NRG2: variants seen among roughly 807,000 people sequenced by gnomAD.
NRG2 encodes pro-neuregulin-2, membrane-bound isoform.
NRG2 carries 27 observed loss-of-function variants against 73.9 expected under a neutral mutation model. That is an observed-to-expected ratio of 0.37 (90% CI 0.27 to 0.50). The LOEUF is 0.50. NRG2 is among the 20% of genes least tolerant of loss of function. The pLI is 0.96. For missense variants in NRG2, 1,126 were observed against 1,210.1 expected (o/e 0.93, Z 1.03); for synonymous variants, 532 against 541.0 (o/e 0.98, Z 0.23).
chr5:139,927,278 C>A (rs569771128), intron 1 of NRG2, among the ~76,000 whole-genome samples: 2 of 152,244 alleles, frequency 1.3e-5, no homozygotes, highest in South Asian at 4.2e-4. Context: ...CCTTTCCTCC[C>A]TCCCTTCCCT....
At position 140,008,208 on chromosome 5, in the gene NRG2, A is replaced by C. The variant is rs17286571; in HGVS notation, c.700+34162T>G. Among the ~76,000 whole-genome samples, 6,102 of 152,250 alleles carry C rather than the reference A, an allele frequency of 0.04. 174 individuals carry two copies. The highest frequency in any genetic ancestry group is 0.095 in the Middle Eastern group (28 of 294). On this transcript the variant is annotated intron_variant, in intron 1 of 9. Coordinates refer to ENST00000361474, the MANE Select transcript of NRG2 (RefSeq NM_004883.3). The surrounding 1 kb of genome is among the most constrained non-coding windows in gnomAD (Gnocchi z 4.2). ...CAGAAGATGCATGGGGAAATCAAAGATCTATTCCACAGCAGATGTGAAGCT... is the reference window on the plus strand; with the variant it reads ...CAGAAGATGCATGGGGAAATCAAAGCTCTATTCCACAGCAGATGTGAAGCT...
chr5:139,927,931 C>T (rs1226558512), intron 1 of NRG2, among the ~76,000 whole-genome samples: 1 of 152,060 alleles, frequency 6.6e-6, no homozygotes, highest in Non-Finnish European at 1.5e-5. Context: ...TATCTACCTC[C>T]CCTCTGGGAG....
chr5:139,966,381 C>T (rs756477169), intron 1 of NRG2, among the ~76,000 whole-genome samples: 8 of 152,180 alleles, frequency 5.3e-5, no homozygotes, highest in Non-Finnish European at 1.0e-4. Context: ...AACCACTGGC[C>T]CCTTCCCTTA....
In NRG2 at chr5:139,853,067, A is replaced by T; in HGVS notation, c.1293-40T>A. 6.2e-7 allele frequency: 1 copy of T among 1,609,914 alleles called. No homozygotes were observed. Among genetic ancestry groups the T allele is most frequent in the Non-Finnish European group, 8.5e-7 (1 of 1,178,518 alleles). ...GGAAGGTGAGGCTGGCATTCCCCCC[A>T]CTCGCCAACGATGAACTTCCCTAGC... On this transcript the variant is annotated intron_variant, in intron 6 of 9. Transcript: ENST00000361474. This position sits in a 1 kb window ranked among gnomAD's most constrained non-coding sequence, Gnocchi z 4.1.
At chr5:139,921,621 G>C (rs558995453) in intron 1 of NRG2, among the ~76,000 whole-genome samples, 11 of 151,896 alleles carry the variant, frequency 7.2e-5, no homozygotes, top group African/African-American at 1.9e-4. Flanking sequence ...ATGGATCACA[G>C]ACCTAAATAT....
intron 1 of NRG2, among the ~76,000 whole-genome samples, chr5:139,980,852 C>A (rs1756745292): frequency 6.6e-6 from 1 of 152,192 alleles, no homozygotes; most frequent in Non-Finnish European, 1.5e-5. Flanking sequence ...GGGGAATCTC[C>A]CTCCTACTTT....
chr5:139,989,781 T>TTTA (rs1757440162), intron 1 of NRG2, among the ~76,000 whole-genome samples: 1 of 149,888 alleles, frequency 6.7e-6, no homozygotes, highest in African/African-American at 2.4e-5. Flanking sequence ...TTATTATTTA[T>TTTA]TTTATTTTAT....
At chr5:139,991,571 T>C (rs1456458038) in intron 1 of NRG2, among the ~76,000 whole-genome samples, 3 of 152,180 alleles carry the variant, frequency 2.0e-5, no homozygotes, top group East Asian at 1.9e-4. Context: ...GATTTTTGTA[T>C]TTTTTAGTAG....
rs1298611863 is a variant in NRG2, at chr5:139,915,792, A to G, written c.701-28281T>C. Among the ~76,000 whole-genome samples, 2 of 152,258 alleles carry G rather than the reference A, an allele frequency of 1.3e-5. No homozygotes were observed. Among genetic ancestry groups the G allele is most frequent in the South Asian group, 2.1e-4 (1 of 4,832 alleles). On this transcript the variant is annotated intron_variant, in intron 1 of 9. Transcript: ENST00000361474. The surrounding 1 kb of genome is among the most constrained non-coding windows in gnomAD (Gnocchi z 4.0). The stretch of plus-strand genomic sequence containing the variant: ...ATCATGGTGACATTTGTATCGCAAA[A>G]GATGAGCTGAGAGTACAGGAGATGC...
In NRG2 at chr5:139,851,803, G is replaced by T; in HGVS notation, c.1573C>A (p.Arg525Ser). 1 of 1,614,222 alleles carries T rather than the reference G, an allele frequency of 6.2e-7. No individual in the cohort carries two copies. Among genetic ancestry groups the T allele is most frequent in the Non-Finnish European group, 8.5e-7 (1 of 1,180,028 alleles). ...GAGTCAGAAGTCAGGCTCTCAGAACGTTCCAGGCTCCACGTGTGGCTCTCG... is the reference window on the plus strand; with the variant it reads ...GAGTCAGAAGTCAGGCTCTCAGAACTTTCCAGGCTCCACGTGTGGCTCTCG... ...RHESHTWSLE[R>S]SESLTSDSQS... is the part of the protein sequence containing the mutation. The change falls in exon 9 of 10, where the codon CGT becomes AGT. Residue 525 changes from arginine to serine, a missense_variant. By Grantham distance (110) the Arg-to-Ser change is moderately radical (BLOSUM62 -1). This residue lies in a region of NRG2 where 539 missense variants were observed against 703.2 expected (regional missense o/e 0.77). Coordinates refer to ENST00000361474, the MANE Select transcript of NRG2 (RefSeq NM_004883.3). The surrounding 1 kb of genome is among the most constrained non-coding windows in gnomAD (Gnocchi z 4.2).
rs1762680147 is a variant in NRG2, at chr5:139,869,162, T to C, written c.1112+2559A>G. ...TCAGTATCAGTGACACTGTTTCTTT[T>C]GGCACTGAATTCCAGAAAAACAGGA... On this transcript the variant is annotated intron_variant, in intron 4 of 9. Transcript: ENST00000361474. The surrounding 1 kb of genome is among the most constrained non-coding windows in gnomAD (Gnocchi z 4.5). Among the ~76,000 whole-genome samples, 1 of 152,084 alleles carries C rather than the reference T, an allele frequency of 6.6e-6. No homozygotes were observed. The highest frequency in any genetic ancestry group is 2.4e-5 in the African/African-American group (1 of 41,388).
intron 1 of NRG2, among the ~76,000 whole-genome samples, chr5:139,909,307 G>A (rs753968048): frequency 2.0e-4 from 30 of 152,154 alleles, no homozygotes; most frequent in Admixed American, 5.2e-4. Context: ...TCAGTGAAAG[G>A]GGAAAAAACC....
At chr5:139,952,755 C>T (rs1049454727) in intron 1 of NRG2, among the ~76,000 whole-genome samples, 3 of 152,042 alleles carry the variant, frequency 2.0e-5, no homozygotes, top group East Asian at 3.9e-4. Context: ...TGGAGTGGGG[C>T]GGTGCGTGTG....
chr5:139,850,150 C>T (rs753629436), intron 9 of NRG2, among the ~76,000 whole-genome samples: 24 of 152,356 alleles, frequency 1.6e-4, no homozygotes, highest in African/African-American at 5.1e-4. Flanking sequence ...GCTGTGGTTA[C>T]GATTCATAAA....
In NRG2 at chr5:140,032,568, C is replaced by A. The variant is rs554717480; in HGVS notation, c.700+9802G>T. Reference sequence around the variant, plus strand: ...GGAAAAAAGTGGGCAGTAGAGAAAGCAAATGCTCCCACTGCTCCCTTTTTA... The same window carrying A: ...GGAAAAAAGTGGGCAGTAGAGAAAGAAAATGCTCCCACTGCTCCCTTTTTA... On this transcript the variant is annotated intron_variant, in intron 1 of 9. Coordinates refer to ENST00000361474, the MANE Select transcript of NRG2 (RefSeq NM_004883.3). Among the ~76,000 whole-genome samples, 5 of 152,304 alleles carry A rather than the reference C, an allele frequency of 3.3e-5. No homozygotes were observed. In the South Asian group the frequency reaches 6.2e-4, roughly 19 times the overall value.
chr5:139,959,812 C>T (rs1018937262), intron 1 of NRG2, among the ~76,000 whole-genome samples: 6 of 152,216 alleles, frequency 3.9e-5, no homozygotes, highest in African/African-American at 1.4e-4. Flanking sequence ...CGCGCCCAGC[C>T]GATTTCCCTG....
chr5:140,035,506 T>G (rs1418741092), intron 1 of NRG2, among the ~76,000 whole-genome samples: 2 of 152,244 alleles, frequency 1.3e-5, no homozygotes, highest in Admixed American at 6.5e-5. Flanking sequence ...TAAATATTTG[T>G]TGAAGCAAAC....
At position 139,870,480 on chromosome 5, in the gene NRG2, C is replaced by G. The variant is rs1328748997; in HGVS notation, c.1112+1241G>C. Among the ~76,000 whole-genome samples, 1 of 152,130 alleles carries G rather than the reference C, an allele frequency of 6.6e-6. No individual in the cohort carries two copies. The highest frequency in any genetic ancestry group is 6.5e-5 in the Admixed American group (1 of 15,280). ...CCTTCTCAGACCAGGCTCACATTCC[C>G]GGGCAAGGGTGTGCCCAGGAAGGGG... On this transcript the variant is annotated intron_variant, in intron 4 of 9. Coordinates refer to ENST00000361474, the MANE Select transcript of NRG2 (RefSeq NM_004883.3). This position sits in a 1 kb window ranked among gnomAD's most constrained non-coding sequence, Gnocchi z 4.4.
intron 1 of NRG2, among the ~76,000 whole-genome samples, chr5:140,010,393 C>A (rs1195176266): frequency 2.6e-5 from 4 of 152,052 alleles, no homozygotes; most frequent in Non-Finnish European, 4.4e-5. Context: ...GAGAGTGAAG[C>A]CTAATGTATA....
Sources: allele counts gnomAD v4.1 joint callset (sites outside exome capture counted in the v4.1 genomes callset), GRCh38; gene constraint gnomAD v4.1.1; regional missense constraint gnomAD v4.1.1; non-coding constraint Gnocchi (gnomAD v3.1); transcripts MANE v1.5; gene names NCBI Gene and HGNC (gene_info 2026-07-23, HGNC 2026-07-21).